Variants in SEMA3A observed in about 807,000 individuals in gnomAD.
SEMA3A encodes the protein semaphorin 3A, also known as semaphorin-3A.
A neutral mutation model predicts 97.9 loss-of-function variants in SEMA3A; 29 were observed. The observed-to-expected ratio is 0.30, with a 90% CI of 0.22 to 0.40. SEMA3A has a LOEUF of 0.40. Among genes scored for constraint, SEMA3A ranks in the 10% least tolerant of loss-of-function variants. SEMA3A has a pLI of 1.00. For synonymous variants in SEMA3A, 321 were observed against 323.7 expected, an observed-to-expected ratio of 0.99 and a Z score of 0.09; for missense variants, 763 against 951.3, an observed-to-expected ratio of 0.80 and a Z score of 2.60.
intron 1 of SEMA3A, among the ~76,000 whole-genome samples, chr7:84,464,637 C>G (rs573784437): frequency 1.9e-4 from 29 of 152,144 alleles, no homozygotes; most frequent in African/African-American, 7.0e-4. Flanking sequence ...CACAGAAATC[C>G]ATAAAAAAGT....
At chr7:84,383,860 G>A (rs1368538331) in intron 1 of SEMA3A, among the ~76,000 whole-genome samples, 2 of 152,074 alleles carry the variant, frequency 1.3e-5, no homozygotes, top group Admixed American at 1.3e-4. Context: ...CTTACCTTAC[G>A]TATTAAGCTC....
At position 84,077,128 on chromosome 7, in the gene SEMA3A, T is replaced by C. The variant is rs115234282; in HGVS notation, c.454-16570A>G. On this transcript the variant is annotated intron_variant, in intron 4 of 16. Coordinates refer to ENST00000265362, the MANE Select transcript of SEMA3A (RefSeq NM_006080.3). ...GGCTAGAATGAGAAAGTCCAGAACA[T>C]GAACAATTTACAACATTTTGCCCCA... Among the ~76,000 whole-genome samples the C allele has an allele frequency of 6.2e-3, 938 of 152,184 alleles. 11 individuals carry two copies. The highest frequency in any genetic ancestry group is 0.021 in the African/African-American group (886 of 41,560).
At chr7:84,403,439 C>T (rs1803965425) in intron 1 of SEMA3A, among the ~76,000 whole-genome samples, 1 of 152,198 alleles carries the variant, frequency 6.6e-6, no homozygotes, top group Non-Finnish European at 1.5e-5. Context: ...TCAAGGAGGC[C>T]TGCTGCCTCT....
chr7:84,210,291 T>C (rs1391165327), intron 3 of SEMA3A, among the ~76,000 whole-genome samples: 1 of 152,088 alleles, frequency 6.6e-6, no homozygotes, highest in Non-Finnish European at 1.5e-5. Flanking sequence ...ACACAGATGA[T>C]AGGCGCTGAG....
intron 3 of SEMA3A, among the ~76,000 whole-genome samples, chr7:84,202,837 T>A (rs956991063): frequency 5.3e-5 from 8 of 152,184 alleles, no homozygotes; most frequent in Admixed American, 3.9e-4. Flanking sequence ...TGCCAATTTA[T>A]CTCTTTTTTC....
At chr7:84,397,656 A>T (rs1803774560) in intron 1 of SEMA3A, among the ~76,000 whole-genome samples, 1 of 151,784 alleles carries the variant, frequency 6.6e-6, no homozygotes, top group Admixed American at 6.6e-5. Flanking sequence ...TTCTGTGAAA[A>T]TACGTTGTGA....
intron 3 of SEMA3A, among the ~76,000 whole-genome samples, chr7:84,218,561 C>T (rs1439740982): frequency 6.6e-6 from 1 of 152,080 alleles, no homozygotes; most frequent in Non-Finnish European, 1.5e-5. Context: ...CCCAAATCTG[C>T]TCATTATTTT....
intron 1 of SEMA3A, among the ~76,000 whole-genome samples, chr7:84,388,525 ACTTG>A (rs1562929263): frequency 6.6e-6 from 1 of 152,006 alleles, no homozygotes; most frequent in Non-Finnish European, 1.5e-5. Flanking sequence ...CACTCTCTTG[ACTTG>A]CATATACTTT....
chr7:84,270,631 T>C (rs1800123666), intron 3 of SEMA3A, among the ~76,000 whole-genome samples: 1 of 147,978 alleles, frequency 6.8e-6, no homozygotes, highest in Non-Finnish European at 1.5e-5. Flanking sequence ...ATATATATTC[T>C]ATTCATATAT....
intron 1 of SEMA3A, among the ~76,000 whole-genome samples, chr7:84,194,025 A>C (rs565215613): frequency 6.6e-6 from 1 of 152,292 alleles, no homozygotes; most frequent in East Asian, 1.9e-4. Flanking sequence ...GAACAAACTG[A>C]ATATTCATGA....
In SEMA3A at chr7:84,454,135, C is replaced by G. The variant is rs73710488; in HGVS notation, c.-246+38325G>C. Among the ~76,000 whole-genome samples the G allele has an allele frequency of 1.1e-3, 161 of 152,276 alleles. 2 individuals are homozygous for G. The highest frequency in any genetic ancestry group is 3.8e-3 in the African/African-American group (156 of 41,564). ...TATTCAAAGTGTTAAGGCATCTGAA[C>G]TCTTTTCTTTAAAATGTAAAAATGT... On this transcript the variant is annotated intron_variant, in intron 1 of 3. Coordinates refer to the SEMA3A transcript ENST00000424555.
At chr7:84,234,258 C>T (rs550081618) in intron 3 of SEMA3A, among the ~76,000 whole-genome samples, 13 of 151,974 alleles carry the variant, frequency 8.6e-5, no homozygotes, top group African/African-American at 3.1e-4. Flanking sequence ...GAATAAAGTC[C>T]CCACTTTCTC....
rs948542416 is a variant in SEMA3A at position 84,376,656 on chromosome 7, A to G, written c.-245-4756T>C. On this transcript the variant is annotated intron_variant, in intron 1 of 3. Transcript: ENST00000424555. ...AAGAAGTGTTCACATCTTCACCAGT[A>G]TTTGTTACTCTTTCTCTTTTTAATA... Among the ~76,000 whole-genome samples the G allele has an allele frequency of 4.8e-5, 7 of 145,780 alleles. No homozygotes were observed. The Admixed American group carries it at 4.8e-4, about 10-fold the overall frequency.
At chr7:84,060,306 G>A (rs921750007) in intron 5 of SEMA3A, among the ~76,000 whole-genome samples, 159 bp downstream of exon 5, 2 of 152,160 alleles carry the variant, frequency 1.3e-5, no homozygotes, top group African/African-American at 2.4e-5. Context: ...AGCATTTAGT[G>A]TTTCTTCTTC....
chr7:84,047,303 A>T (rs1465552555), intron 5 of SEMA3A, among the ~76,000 whole-genome samples: 1 of 152,034 alleles, frequency 6.6e-6, no homozygotes, highest in Non-Finnish European at 1.5e-5. Context: ...GTTAATATTT[A>T]CTGAATTTCA....
chr7:84,100,708 TTATTAAAGCC>T (rs942267573), intron 4 of SEMA3A, among the ~76,000 whole-genome samples: 1 of 152,200 alleles, frequency 6.6e-6, no homozygotes, highest in African/African-American at 2.4e-5. Flanking sequence ...TCCTAGGTTT[TTATTAAAGCC>T]ATTCTTATCA....
chr7:84,358,266 T>C (rs1802620410), intron 2 of SEMA3A, among the ~76,000 whole-genome samples: 2 of 152,198 alleles, frequency 1.3e-5, no homozygotes, highest in Non-Finnish European at 2.9e-5. Flanking sequence ...TTTTATGGTT[T>C]CAGGTCTAAC....
At chr7:84,478,202 TA>T (rs983254070) in intron 1 of SEMA3A, among the ~76,000 whole-genome samples, 18 of 152,174 alleles carry the variant, frequency 1.2e-4, no homozygotes, top group Admixed American at 1.0e-3. Flanking sequence ...CTGGCAAAGC[TA>T]AAAATAATCA....
intron 5 of SEMA3A, 108 bp from the exon 6 acceptor site, chr7:84,046,551 G>A (rs1160187963): frequency 1.6e-6 from 2 of 1,227,984 alleles, no homozygotes; most frequent in Non-Finnish European, 2.3e-6. Flanking sequence ...ATGCTAAGAG[G>A]AAAACTGAAA....
Sources: allele counts gnomAD v4.1 joint callset (sites outside exome capture counted in the v4.1 genomes callset), GRCh38; gene constraint gnomAD v4.1.1; transcripts MANE v1.5; gene names NCBI Gene and HGNC (gene_info 2026-07-23, HGNC 2026-07-21).